Variants in DPYSL5 observed in about 807,000 individuals in gnomAD.
DPYSL5 encodes dihydropyrimidinase like 5.
In DPYSL5, 9 loss-of-function variants were observed where a neutral mutation model predicts 58.4. That is an observed-to-expected ratio of 0.15 (90% CI 0.09 to 0.27). The LOEUF (loss-of-function observed/expected upper bound fraction) is 0.27. Among genes scored for constraint, DPYSL5 ranks in the 10% least tolerant of loss-of-function variants. The pLI, the probability that DPYSL5 is intolerant of heterozygous loss-of-function variation, is 1.00. For synonymous variants in DPYSL5, 293 were observed against 301.9 expected (o/e 0.97, Z 0.31); for missense variants, 499 against 770.6 (o/e 0.65, Z 4.17).
At chr2:26,902,806 G>A (rs993123646) in intron 2 of DPYSL5, among the ~76,000 whole-genome samples, 18 of 152,182 alleles carry the variant, frequency 1.2e-4, no homozygotes, top group Non-Finnish European at 2.2e-4. Flanking sequence ...TAAAGAAGCC[G>A]GCCAGGTCCC....
chr2:26,925,696 G>C lies in DPYSL5; in HGVS notation c.420+651G>C, dbSNP rs1664814955. 6.6e-6 allele frequency among the ~76,000 whole-genome samples: 1 copy of C among 152,148 alleles called. No homozygotes were observed. Among genetic ancestry groups the C allele is most frequent in the African/African-American group, 2.4e-5 (1 of 41,436 alleles). ...TCCCCCTGCCCAGGCCCCAGGGTCA[G>C]AGTCCAGACTCCTCTCCCCGGATTC... On this transcript the variant is annotated intron_variant, in intron 3 of 12. Transcript: ENST00000288699. This position sits in a 1 kb window ranked among gnomAD's most constrained non-coding sequence, Gnocchi z 4.5.
Position 26,905,039 on chromosome 2 carries a change from C to A in DPYSL5, c.261+6279C>A, listed in dbSNP as rs536324786. 2.4e-4 allele frequency among the ~76,000 whole-genome samples: 37 copies of A among 152,336 alleles called. No homozygotes were observed. The highest frequency in any genetic ancestry group is 8.9e-4 in the African/African-American group (37 of 41,580). On this transcript the variant is annotated intron_variant, in intron 2 of 12. Coordinates refer to ENST00000288699, the MANE Select transcript of DPYSL5 (RefSeq NM_020134.4). The surrounding 1 kb of genome is among the most constrained non-coding windows in gnomAD (Gnocchi z 4.0). Reference sequence around the variant, plus strand: ...CTGAGACCTCGGGACTGAACAATCACCCCTTTCAGCCTGTGGCCTCTTGGT... The same window carrying A: ...CTGAGACCTCGGGACTGAACAATCAACCCTTTCAGCCTGTGGCCTCTTGGT...
intron 1 of DPYSL5, among the ~76,000 whole-genome samples, chr2:26,852,189 TC>T (rs1665773235): frequency 6.6e-6 from 1 of 152,232 alleles, no homozygotes; most frequent in Non-Finnish European, 1.5e-5. Flanking sequence ...GATATCTTTG[TC>T]AACATGAAGT....
chr2:26,949,728 A>G lies in DPYSL5; in HGVS notation c.*2733A>G, dbSNP rs756258657. The G allele has an allele frequency of 5.9e-5, 9 of 152,292 alleles. No individual in the cohort carries two copies. Among genetic ancestry groups the G allele is most frequent in the Non-Finnish European group, 1.2e-4 (8 of 68,272 alleles). 9.4% of individuals were successfully genotyped at this position (152,292 alleles called of 1,614,324 possible). On this transcript the variant is annotated 3_prime_UTR_variant, in exon 13 of 13. Coordinates refer to ENST00000288699, the MANE Select transcript of DPYSL5 (RefSeq NM_020134.4). Reference sequence around the variant, plus strand: ...CACCCCCAGTCCCTACATAGGCCCTACCCTTGCCCGGGAGCTTCTAGATAG... The same window carrying G: ...CACCCCCAGTCCCTACATAGGCCCTGCCCTTGCCCGGGAGCTTCTAGATAG...
chr2:26,857,067 T>A (rs1665898361), intron 1 of DPYSL5, among the ~76,000 whole-genome samples: 2 of 151,932 alleles, frequency 1.3e-5, no homozygotes, highest in Non-Finnish European at 2.9e-5. Flanking sequence ...TCTTAACTCA[T>A]GTTTCTTGAG....
chr2:26,941,046 C>T (rs1440194660), intron 9 of DPYSL5, among the ~76,000 whole-genome samples: 1 of 151,762 alleles, frequency 6.6e-6, no homozygotes, highest in Non-Finnish European at 1.5e-5. Flanking sequence ...AAGCGGTTCT[C>T]CTGCCTCAGC....
intron 1 of DPYSL5, among the ~76,000 whole-genome samples, chr2:26,880,220 C>T (rs1663522900): frequency 6.6e-6 from 1 of 152,208 alleles, no homozygotes; most frequent in South Asian, 2.1e-4. Context: ...GTCATTCCCA[C>T]TCTGTTTTCC....
At chr2:26,867,676 C>T (rs1222211213) in intron 1 of DPYSL5, among the ~76,000 whole-genome samples, 1 of 151,770 alleles carries the variant, frequency 6.6e-6, no homozygotes, top group Non-Finnish European at 1.5e-5. Context: ...GGGATGGTCT[C>T]GATCTCCTGA....
At position 26,944,210 on chromosome 2, in the gene DPYSL5, C is replaced by CG. The variant is rs1006397840; in HGVS notation, c.1441-441dup. On this transcript the variant is annotated intron_variant, in intron 11 of 12. Transcript: ENST00000288699. This position sits in a 1 kb window ranked among gnomAD's most constrained non-coding sequence, Gnocchi z 4.4. ...AGGCTGAGGCAGGAGAATCACTTTG[C>CG]GGGGGCGGAGGTTGCAGTGAGCCAA... is the stretch of plus-strand genomic sequence containing the variant. Among the ~76,000 whole-genome samples, 2 of 151,960 alleles carry CG rather than the reference C, an allele frequency of 1.3e-5. No homozygotes were observed. The highest frequency in any genetic ancestry group is 1.9e-4 in the East Asian group (1 of 5,168).
intron 2 of DPYSL5, among the ~76,000 whole-genome samples, chr2:26,910,428 G>T (rs760201774): frequency 1.3e-5 from 2 of 152,054 alleles, no homozygotes; most frequent in Non-Finnish European, 2.9e-5. Flanking sequence ...GTGTGTAGTG[G>T]TATCTCAGTG....
At position 26,866,296 on chromosome 2, in the gene DPYSL5, G is replaced by C. The variant is rs145576553; in HGVS notation, c.-5+18042G>C. 1.3e-3 allele frequency among the ~76,000 whole-genome samples: 195 copies of C among 152,288 alleles called. 1 individual carries two copies. Among genetic ancestry groups the C allele is most frequent in the African/African-American group, 4.5e-3 (187 of 41,550 alleles). On this transcript the variant is annotated intron_variant, in intron 1 of 12. Coordinates refer to ENST00000288699, the MANE Select transcript of DPYSL5 (RefSeq NM_020134.4). ...GTGCATGACACATAATAGAGGCTCA[G>C]TAAATTTGACTGGGTGAGTATAGTT...
chr2:26,940,127 G>A lies in DPYSL5; in HGVS notation c.1044G>A (p.Val348=), dbSNP rs761339806. ...ACTTCACCAAGATCCCACATGGAGTGAGTGGCGTGCAGGACCGCATGAGCG... is the reference window on the plus strand; with the variant it reads ...ACTTCACCAAGATCCCACATGGAGTAAGTGGCGTGCAGGACCGCATGAGCG... The part of the protein sequence containing the change: ...KEDFTKIPHG[V]SGVQDRMSVI... The change falls in exon 9 of 13, where the codon GTG becomes GTA. Residue 348 remains valine (V), a synonymous_variant. Coordinates refer to ENST00000288699, the MANE Select transcript of DPYSL5 (RefSeq NM_020134.4). 3 of 1,614,202 alleles carry A rather than the reference G, an allele frequency of 1.9e-6. No homozygotes were observed. Among genetic ancestry groups the A allele is most frequent in the Non-Finnish European group, 2.5e-6 (3 of 1,180,050 alleles).
chr2:26,854,277 G>A (rs1287589056), intron 1 of DPYSL5, among the ~76,000 whole-genome samples: 1 of 152,020 alleles, frequency 6.6e-6, no homozygotes, highest in South Asian at 2.1e-4. Context: ...TGGTCAATAT[G>A]GCGAAACCCT....
chr2:26,867,126 C>T (rs1666163531), intron 1 of DPYSL5, among the ~76,000 whole-genome samples: 1 of 152,070 alleles, frequency 6.6e-6, no homozygotes, highest in African/African-American at 2.4e-5. Context: ...TGTTTCCACC[C>T]ACAGTTTACC....
At chr2:26,921,222 G>A (rs572323567) in intron 2 of DPYSL5, among the ~76,000 whole-genome samples, 4 of 152,270 alleles carry the variant, frequency 2.6e-5, no homozygotes, top group Admixed American at 6.5e-5. Flanking sequence ...AGAATAGCTC[G>A]GCCTGGCGTG....
intron 1 of DPYSL5, among the ~76,000 whole-genome samples, chr2:26,869,891 G>T (rs1012986924): frequency 1.2e-4 from 19 of 152,100 alleles, no homozygotes; most frequent in African/African-American, 4.6e-4. Flanking sequence ...GGCGCCTGTA[G>T]TCCCAGCTAC....
chr2:26,849,666 G>A lies in DPYSL5; in HGVS notation c.-5+1412G>A, dbSNP rs1665697215. ...GGATCTCCCTTCGGGGAGACCCGGA[G>A]AACAATAGCCGACCCTGGTGTCCAT... On this transcript the variant is annotated intron_variant, in intron 1 of 12. Coordinates refer to ENST00000288699, the MANE Select transcript of DPYSL5 (RefSeq NM_020134.4). The surrounding 1 kb of genome is among the most constrained non-coding windows in gnomAD (Gnocchi z 6.2). Among the ~76,000 whole-genome samples the A allele has an allele frequency of 6.6e-6, 1 of 152,242 alleles. No individual in the cohort carries two copies. The highest frequency in any genetic ancestry group is 6.5e-5 in the Admixed American group (1 of 15,290).
At chr2:26,928,459 C>A in intron 5 of DPYSL5, 136 bp downstream of exon 5, 2 of 973,702 alleles carry the variant, frequency 2.1e-6, no homozygotes, top group Non-Finnish European at 3.1e-6. Flanking sequence ...ATTTGGGAGG[C>A]TGAGGTGGGT....
intron 1 of DPYSL5, 59 bp downstream of exon 1, chr2:26,848,313 T>A (rs1227901471): frequency 7.3e-5 from 11 of 151,660 alleles, no homozygotes; most frequent in African/African-American, 2.2e-4. Flanking sequence ...CATCCTCCTC[T>A]CCCCCTTCTG....
Sources: gnomAD v4.1 joint callset for allele counts (sites outside exome capture counted in the v4.1 genomes callset) on GRCh38, gnomAD v4.1.1 for gene constraint, Gnocchi (gnomAD v3.1) non-coding constraint, MANE v1.5 for transcripts, NCBI Gene and HGNC (gene_info 2026-07-23, HGNC 2026-07-21) for gene names.